The following KAT5 variants were observed in gnomAD, a reference collection of about 807,000 sequenced individuals.
The protein encoded by KAT5 is lysine acetyltransferase 5, also known as histone acetyltransferase KAT5.
Under a neutral mutation model 68.1 loss-of-function variants are expected in KAT5, and 31 were observed. That is an observed-to-expected ratio of 0.46 (90% CI 0.34 to 0.61). The LOEUF (loss-of-function observed/expected upper bound fraction) is 0.61, where lower values mean the gene tolerates loss of function less well. Among genes scored for constraint, KAT5 ranks in the 20% least tolerant of loss-of-function variants. The pLI is 0.01. For synonymous variants in KAT5, 365 were observed against 292.6 expected (o/e 1.25, Z -2.52); for missense variants, 451 against 725.5 (o/e 0.62, Z 4.35).
intron 8 of KAT5, 94 bp downstream of exon 8, chr11:65,715,004 G>A (rs1042290364): frequency 2.4e-5 from 26 of 1,084,938 alleles, no homozygotes; most frequent in Non-Finnish European, 3.6e-5. Context: ...CAGCAGATCA[G>A]TCCAGCCCAT....
At chr11:65,718,211 G>C (rs992879378) in intron 10 of KAT5, 1 of 181,492 alleles carries the variant, frequency 5.5e-6, no homozygotes, top group Non-Finnish European at 1.2e-5. Flanking sequence ...TTAGAGACAG[G>C]AATCTGTCTC....
Position 65,714,729 on chromosome 11 carries a change from C to G in KAT5, c.925C>G (p.Leu309Val). Residue 309 changes from leucine (L) to valine (V), a missense_variant, in exon 7 of 13, where the codon CTT (leucine) becomes GTT (valine). Physicochemically the swap from Leu to Val is conservative, Grantham distance 32. This residue lies in a region of KAT5 where 210 missense variants were observed against 423.7 expected (regional missense o/e 0.50). Transcript: ENST00000341318. ...CAAGTACGGCCGTAGTCTCAAGTGT[C>G]TTCAGCGTCATTTGGTATGAGGGGT... ...CLKYGRSLKC[L>V]QRHLTKCDLR... is the part of the protein sequence containing the mutation. The G allele has an allele frequency of 6.2e-7, 1 of 1,614,200 alleles. No homozygotes were observed. Among genetic ancestry groups the G allele is most frequent in the Non-Finnish European group, 8.5e-7 (1 of 1,180,042 alleles).
intron 10 of KAT5, chr11:65,718,163 A>G (rs1857267093): frequency 1.2e-5 from 2 of 160,584 alleles, no homozygotes; most frequent in African/African-American, 2.4e-5. Context: ...GGTCCCAGCT[A>G]GGAGGACTTT....
rs1388251211 is a variant in KAT5 at position 65,714,312 on chromosome 11, GT to G, written c.691-182del. ...TCCATCTAAAAAATGGGGTCATTGG[GT>G]GATCTTTTCCACATCATCGATCCTT... On this transcript the variant is annotated intron_variant, in intron 6 of 12. Transcript: ENST00000341318. 4.4e-6 allele frequency: 3 copies of G among 686,130 alleles called. No individual in the cohort carries two copies. The African/African-American group carries it at 5.4e-5, about 12-fold the overall frequency. The allele number at this position is 686,130 out of a possible 1,614,324, so 42.5% of individuals were successfully genotyped here. A position where few individuals can be genotyped will look rare whatever the true frequency, so the allele number is the denominator to read the frequency against.
chr11:65,712,668 A>C, intron 1 of KAT5, 98 bp from the exon 2 acceptor site: 1 of 1,435,862 alleles, frequency 7.0e-7, no homozygotes, highest in African/African-American at 1.4e-5. Context: ...TAAGTGCTGG[A>C]GCTTAGGGAT....
At chr11:65,713,906 T>G (rs1590961849) in intron 6 of KAT5, 58 bp downstream of exon 6, 3 of 1,438,796 alleles carry the variant, frequency 2.1e-6, no homozygotes, top group Non-Finnish European at 2.9e-6. Context: ...GCAGGCAGGG[T>G]GGAGAGTTAT....
chr11:65,718,275 G>C, intron 10 of KAT5: 1 of 262,934 alleles, frequency 3.8e-6, no homozygotes, highest in Non-Finnish European at 7.3e-6. Context: ...AAAATTGGAG[G>C]CCCCTTCTTC....
At chr11:65,717,745 C>G (rs1178974097) in intron 10 of KAT5, 1 of 152,708 alleles carries the variant, frequency 6.5e-6, no homozygotes, top group Non-Finnish European at 1.5e-5. Flanking sequence ...ACTTCTCAGC[C>G]TGGTAGCACA....
intron 8 of KAT5, among the ~76,000 whole-genome samples, chr11:65,715,559 G>C (rs1304506208): frequency 6.6e-6 from 1 of 151,812 alleles, no homozygotes; most frequent in African/African-American, 2.4e-5. Flanking sequence ...AGGAGATCGA[G>C]ACCATCCTGG....
chr11:65,713,585 C>T lies in KAT5; in HGVS notation c.541-8C>T, dbSNP rs934272798. 4.3e-6 allele frequency: 7 copies of T among 1,614,222 alleles called. 1 individual carries two copies. The South Asian group carries it at 4.4e-5, about 10-fold the overall frequency. ...TTCTGACCCACCTTTGTTGGTTTCT[C>T]TCTGCAGAAACGGAAGGTGGAGGTG... On this transcript the variant is annotated splice_polypyrimidine_tract_variant and splice_region_variant and intron_variant, in intron 4 of 12. Transcript: ENST00000341318.
chr11:65,714,198 G>A (rs749046397), intron 6 of KAT5: 3 of 523,622 alleles, frequency 5.7e-6, no homozygotes, highest in Non-Finnish European at 1.0e-5. Flanking sequence ...GGAAAGCTGA[G>A]GCAGGAGAAC....
At position 65,719,193 on chromosome 11, in the gene KAT5, C is replaced by T; in HGVS notation, c.*12C>T. 6.2e-7 allele frequency: 1 copy of T among 1,612,744 alleles called. No individual in the cohort carries two copies. The highest frequency in any genetic ancestry group is 1.3e-5 in the African/African-American group (1 of 75,060). ...GGGGGAAGTGGTGACCAGACACTGCCCACTGCAGTGCCAAGACGGCAGCAG... is the reference window on the plus strand; with the variant it reads ...GGGGGAAGTGGTGACCAGACACTGCTCACTGCAGTGCCAAGACGGCAGCAG... On this transcript the variant is annotated 3_prime_UTR_variant, in exon 13 of 13. Coordinates refer to ENST00000341318, the MANE Select transcript of KAT5 (RefSeq NM_182710.3).
At position 65,713,646 on chromosome 11, in the gene KAT5, C is replaced by G. The variant is rs137945879; in HGVS notation, c.594C>G (p.Ala198=). The G allele has an allele frequency of 1.9e-6, 3 of 1,614,150 alleles. No homozygotes were observed. Among genetic ancestry groups the G allele is most frequent in the Non-Finnish European group, 2.5e-6 (3 of 1,180,028 alleles). The change falls in exon 5 of 13, where the codon GCC becomes GCG. Residue 198 remains alanine, a synonymous_variant. Transcript: ENST00000341318. ...SPATPVPSET[A]PASVFPQNGA... is the part of the protein sequence containing the mutation. ...CAACTCCAGTGCCCAGCGAGACAGC[C>G]CCGGCCTCGGTTTTTCCCCAGGTGA...
intron 1 of KAT5, 83 bp from the exon 2 acceptor site, chr11:65,712,683 C>A: frequency 1.3e-6 from 2 of 1,513,094 alleles, no homozygotes; most frequent in Non-Finnish European, 1.8e-6. Context: ...AGGGATCCGG[C>A]CTGGGGGTGG....
rs1368817564 is a variant in KAT5 at position 65,714,665 on chromosome 11, C to T, written c.861C>T (p.Leu287=). The part of the protein sequence containing the change: ...PWYFSPYPQE[L]TTLPVLYLCE... Reference sequence around the variant, plus strand: ...ACTTCTCCCCGTACCCACAGGAACTCACCACATTGCCTGTCCTCTACCTGT... The same window carrying T: ...ACTTCTCCCCGTACCCACAGGAACTTACCACATTGCCTGTCCTCTACCTGT... Residue 287 remains leucine, a synonymous_variant, in exon 7 of 13, where the codon CTC becomes CTT. Coordinates refer to ENST00000341318, the MANE Select transcript of KAT5 (RefSeq NM_182710.3). 1.2e-6 allele frequency: 2 copies of T among 1,614,092 alleles called. No individual in the cohort carries two copies. The highest frequency in any genetic ancestry group is 1.3e-5 in the African/African-American group (1 of 74,938).
At chr11:65,712,468 A>C in intron 1 of KAT5, 23 bp downstream of exon 1, 1 of 1,581,774 alleles carries the variant, frequency 6.3e-7, no homozygotes, top group Non-Finnish European at 8.5e-7. Flanking sequence ...GGGGGGCGGG[A>C]CTAAGGAACC....
upstream of KAT5, chr11:65,712,148 C>T (rs1375803804): frequency 6.1e-6 from 6 of 988,008 alleles, no homozygotes; most frequent in African/African-American, 5.1e-5. Context: ...GCAGCTGGGT[C>T]GCGGTGTCTC....
rs201831239 is a variant in KAT5 at position 65,713,352 on chromosome 11, C to T, written c.389C>T (p.Ala130Val). 23 of 1,614,088 alleles carry T rather than the reference C, an allele frequency of 1.4e-5. No individual in the cohort carries two copies. Among genetic ancestry groups the T allele is most frequent in the Non-Finnish European group, 1.9e-5 (23 of 1,179,974 alleles). The change falls in exon 4 of 13, where the codon GCC (alanine) becomes GTC (valine). Residue 130 changes from alanine to valine, a missense_variant. This residue lies in a region of KAT5 where 135 missense variants were observed against 173.4 expected (regional missense o/e 0.78). Coordinates refer to ENST00000341318, the MANE Select transcript of KAT5 (RefSeq NM_182710.3). ...RPGSPEREVP[A>V]SAQASGKTLP... is the part of the protein sequence containing the mutation. Reference sequence around the variant, plus strand: ...ACCCTGGACCTATCTCTACAGCCGGCCTCGGCGCAGGCCAGCGGGAAGACC... The same window carrying T: ...ACCCTGGACCTATCTCTACAGCCGGTCTCGGCGCAGGCCAGCGGGAAGACC...
At chr11:65,712,199 C>A (rs1050544124), upstream of KAT5, 2 of 1,371,430 alleles carry the variant, frequency 1.5e-6, no homozygotes, top group African/African-American at 1.5e-5. Flanking sequence ...AGGCCCGGGC[C>A]CACAGGGCGC....
Sources: allele counts gnomAD v4.1 joint callset (sites outside exome capture counted in the v4.1 genomes callset), GRCh38; gene constraint gnomAD v4.1.1; regional missense constraint gnomAD v4.1.1; transcripts MANE v1.5; gene names NCBI Gene and HGNC (gene_info 2026-07-23, HGNC 2026-07-21).